The following TMEM51 variants were observed in gnomAD, a reference collection of about 807,000 sequenced individuals.
The protein encoded by TMEM51 is chromosome 1 open reading frame 72.
A neutral mutation model predicts 13.6 loss-of-function variants in TMEM51; 8 were observed. The observed-to-expected ratio is 0.59, with a 90% CI of 0.35 to 1.07. TMEM51 has a LOEUF of 1.07. Ranked by LOEUF, TMEM51 falls within the 50% of genes least tolerant of loss-of-function variation. The pLI, the probability that TMEM51 is intolerant of heterozygous loss-of-function variation, is 0.02. For missense variants in TMEM51, 279 were observed against 330.7 expected (o/e 0.84, Z 1.21); for synonymous variants, 147 against 144.4 (o/e 1.02, Z -0.13).
intron 1 of TMEM51, among the ~76,000 whole-genome samples, chr1:15,190,549 A>G (rs997074941): frequency 1.3e-5 from 2 of 152,110 alleles, no homozygotes; most frequent in East Asian, 1.9e-4. Context: ...TAAATTATAC[A>G]GGATTGTGCC....
In TMEM51 at chr1:15,215,363, G is replaced by T. The variant is rs1644413647; in HGVS notation, c.276G>T (p.Arg92=). The T allele has an allele frequency of 6.2e-7, 1 of 1,612,620 alleles. No individual in the cohort carries two copies. The highest frequency in any genetic ancestry group is 8.5e-7 in the Non-Finnish European group (1 of 1,180,022). The change falls in exon 3 of 4, where the codon CGG becomes CGT. Residue 92 remains arginine, a synonymous_variant. Transcript: ENST00000376008. ...CLSIRDKRKQ[R]QGEDLAHVQH... is the part of the protein sequence containing the mutation. ...GTATCAGGGATAAGAGGAAGCAGCG[G>T]CAGGGCGAGGACCTGGCCCATGTCC...
intron 1 of TMEM51, among the ~76,000 whole-genome samples, chr1:15,179,627 A>G (rs978302613): frequency 5.9e-5 from 9 of 152,146 alleles, no homozygotes; most frequent in Admixed American, 3.3e-4. Flanking sequence ...TACAAAAAAT[A>G]TAAAAATTAG....
chr1:15,158,729 C>T (rs1299563204), intron 1 of TMEM51, among the ~76,000 whole-genome samples: 1 of 152,166 alleles, frequency 6.6e-6, no homozygotes, highest in Non-Finnish European at 1.5e-5. Context: ...AGGATCACAG[C>T]TTTGTTAATG....
At chr1:15,166,825 T>C (rs1261820684) in intron 1 of TMEM51, among the ~76,000 whole-genome samples, 1 of 152,210 alleles carries the variant, frequency 6.6e-6, no homozygotes, top group East Asian at 1.9e-4. Context: ...CAAGCAATCA[T>C]GTAACCACCA....
At position 15,219,361 on chromosome 1, in the gene TMEM51, C is replaced by T. The variant is rs1644476419; in HGVS notation, c.380C>T (p.Ser127Leu). ...GAAGAGGAGGATGAGGAGGCTGCCT[C>T]AAGGTACTATGTTCCCAGCTACGAG... ...EEEEEDEEAASRYYVPSYEEV... is the reference protein window; with the variant it reads ...EEEEEDEEAALRYYVPSYEEV... Residue 127 changes from serine to leucine, a missense_variant, in exon 4 of 4, where the codon TCA becomes TTA. Transcript: ENST00000376008. 2.5e-6 allele frequency: 4 copies of T among 1,599,786 alleles called. No homozygotes were observed. In the East Asian group the frequency reaches 9.0e-5, roughly 36 times the overall value.
intron 1 of TMEM51, among the ~76,000 whole-genome samples, chr1:15,201,909 T>A (rs1644163230): frequency 6.6e-6 from 1 of 152,162 alleles, no homozygotes; most frequent in Non-Finnish European, 1.5e-5. Flanking sequence ...TCTGCAGGAC[T>A]CGTGGGCCTG....
At chr1:15,175,924 T>G (rs1643443983) in intron 1 of TMEM51, among the ~76,000 whole-genome samples, 1 of 152,246 alleles carries the variant, frequency 6.6e-6, no homozygotes, top group Admixed American at 6.5e-5. Context: ...CTCCCCAGTC[T>G]GCTGCCACCG....
intron 1 of TMEM51, among the ~76,000 whole-genome samples, chr1:15,197,255 C>T (rs1644068502): frequency 6.6e-6 from 1 of 152,166 alleles, no homozygotes; most frequent in Non-Finnish European, 1.5e-5. Flanking sequence ...TGGGCATGTG[C>T]CTGCCCCTTG....
At chr1:15,197,854 C>T (rs1644080770) in intron 1 of TMEM51, among the ~76,000 whole-genome samples, 2 of 150,894 alleles carry the variant, frequency 1.3e-5, no homozygotes, top group Admixed American at 6.7e-5. Flanking sequence ...AACTATGTCC[C>T]TTTCCTTGTG....
intron 1 of TMEM51, among the ~76,000 whole-genome samples, chr1:15,174,856 A>C (rs949794849): frequency 6.6e-6 from 1 of 152,112 alleles, no homozygotes; most frequent in Non-Finnish European, 1.5e-5. Context: ...AGTCTCTTTT[A>C]TAAGGGCACT....
chr1:15,219,638 C>A lies in TMEM51; in HGVS notation c.657C>A (p.Asn219Lys). Reference sequence around the variant, plus strand: ...TTCACCTCAAAGACTTTAGGATCAACCTCCCAGACAAAAACGTCCCTCCTC... The same window carrying A: ...TTCACCTCAAAGACTTTAGGATCAAACTCCCAGACAAAAACGTCCCTCCTC... Reference protein sequence around the residue: ...EKLHLKDFRINLPDKNVPPPS... With the variant: ...EKLHLKDFRIKLPDKNVPPPS... The change falls in exon 4 of 4, where the codon AAC becomes AAA. Residue 219 changes from asparagine (N) to lysine (K), a missense_variant. Asn to Lys is a moderately conservative substitution (Grantham distance 94). Coordinates refer to ENST00000376008, the MANE Select transcript of TMEM51 (RefSeq NM_001136218.2). 1 of 1,614,074 alleles carries A rather than the reference C, an allele frequency of 6.2e-7. No homozygotes were observed. The highest frequency in any genetic ancestry group is 2.2e-5 in the East Asian group (1 of 44,892).
chr1:15,178,896 C>T (rs982922083), intron 1 of TMEM51, among the ~76,000 whole-genome samples: 16 of 152,228 alleles, frequency 1.1e-4, no homozygotes, highest in African/African-American at 3.9e-4. Flanking sequence ...GCAGCCGGAA[C>T]TTTCCTTGTG....
chr1:15,215,109 A>C lies in TMEM51; in HGVS notation c.22A>C (p.Asn8His), dbSNP rs372619179. 3 of 1,611,588 alleles carry C rather than the reference A, an allele frequency of 1.9e-6. No homozygotes were observed. The highest frequency in any genetic ancestry group is 2.5e-6 in the Non-Finnish European group (3 of 1,178,166). Residue 8 changes from asparagine (N) to histidine (H), a missense_variant, in exon 3 of 4, where the codon AAT (asparagine) becomes CAT (histidine). Asn to His is a moderately conservative substitution (Grantham distance 68, BLOSUM62 1). Coordinates refer to ENST00000376008, the MANE Select transcript of TMEM51 (RefSeq NM_001136218.2). ...TGACATGATGGCCCAGTCCAAGGCC[A>C]ATGGCTCGCACTATGCGCTGACCGC... MMAQSKA[N>H]GSHYALTAIG...
At chr1:15,201,751 GTT>G (rs1188877910) in intron 1 of TMEM51, among the ~76,000 whole-genome samples, 5 of 152,188 alleles carry the variant, frequency 3.3e-5, no homozygotes, top group Non-Finnish European at 5.9e-5. Context: ...TTGGCAGCAG[GTT>G]TGGGAACCAC....
chr1:15,174,231 A>C (rs1339346041), intron 1 of TMEM51, among the ~76,000 whole-genome samples: 1 of 152,150 alleles, frequency 6.6e-6, no homozygotes, highest in African/African-American at 2.4e-5. Context: ...GCCTTCGTTG[A>C]TAGAATCCCA....
intron 2 of TMEM51, among the ~76,000 whole-genome samples, chr1:15,213,778 C>A (rs1215860442): frequency 2.0e-5 from 3 of 152,148 alleles, no homozygotes; most frequent in Non-Finnish European, 4.4e-5. Flanking sequence ...GATGTGGTTT[C>A]AGAGAAGCTT....
intron 1 of TMEM51, among the ~76,000 whole-genome samples, chr1:15,205,253 G>A (rs565182945): frequency 6.6e-6 from 1 of 152,314 alleles, no homozygotes; most frequent in Non-Finnish European, 1.5e-5. Flanking sequence ...CACTTACGTG[G>A]ATTAGCAAGG....
At chr1:15,154,132 G>A (rs1642502008) in intron 1 of TMEM51, among the ~76,000 whole-genome samples, 178 bp downstream of exon 1, 1 of 151,902 alleles carries the variant, frequency 6.6e-6, no homozygotes, top group African/African-American at 2.4e-5. Flanking sequence ...CACCCTCTGC[G>A]GCCGCGCCCC....
At chr1:15,155,183 G>A (rs943962446) in intron 1 of TMEM51, among the ~76,000 whole-genome samples, 1 of 152,332 alleles carries the variant, frequency 6.6e-6, no homozygotes, top group East Asian at 1.9e-4. Flanking sequence ...AAGAAAGAGA[G>A]AGGAGGCTAG....
Sources: allele counts gnomAD v4.1 joint callset (sites outside exome capture counted in the v4.1 genomes callset), GRCh38; gene constraint gnomAD v4.1.1; transcripts MANE v1.5; gene names NCBI Gene and HGNC (gene_info 2026-07-23, HGNC 2026-07-21).